The following GUCY1A2 variants were observed in gnomAD, a reference collection of about 807,000 sequenced individuals.
GUCY1A2 encodes the protein guanylate cyclase soluble subunit alpha-2.
In GUCY1A2, 27 loss-of-function variants were observed where a neutral mutation model predicts 63.5. That is an observed-to-expected ratio of 0.43 (90% CI 0.31 to 0.59). The LOEUF (loss-of-function observed/expected upper bound fraction) is 0.59. Ranked by LOEUF, GUCY1A2 falls within the 20% of genes least tolerant of loss-of-function variation. The pLI, the probability that GUCY1A2 is intolerant of heterozygous loss-of-function variation, is 0.11. For synonymous variants in GUCY1A2, 364 were observed against 343.5 expected, an observed-to-expected ratio of 1.06 and a Z score of -0.66; for missense variants, 768 against 913.3, an observed-to-expected ratio of 0.84 and a Z score of 2.05.
chr11:106,765,865 T>C (rs1402201220), intron 6 of GUCY1A2, among the ~76,000 whole-genome samples: 1 of 152,140 alleles, frequency 6.6e-6, no homozygotes, highest in Non-Finnish European at 1.5e-5. Context: ...GATTGATTGG[T>C]TTAACCTCTG....
chr11:106,879,578 T>A (rs759038397), intron 4 of GUCY1A2, among the ~76,000 whole-genome samples: 2 of 152,092 alleles, frequency 1.3e-5, no homozygotes, highest in African/African-American at 2.4e-5. Flanking sequence ...CTTTCTTGTA[T>A]CACTTTCTGG....
intron 4 of GUCY1A2, among the ~76,000 whole-genome samples, chr11:106,818,628 T>TA (rs1858861312): frequency 6.6e-6 from 1 of 152,166 alleles, no homozygotes; most frequent in African/African-American, 2.4e-5. Flanking sequence ...TAGAAATGAT[T>TA]AAGCTTAGTA....
chr11:106,870,232 T>C (rs1859658364), intron 4 of GUCY1A2, among the ~76,000 whole-genome samples: 1 of 152,020 alleles, frequency 6.6e-6, no homozygotes, highest in South Asian at 2.1e-4. Context: ...TGTGCACATG[T>C]ACCCTAGAAC....
intron 1 of GUCY1A2, among the ~76,000 whole-genome samples, chr11:107,001,034 G>A (rs1041216937): frequency 3.9e-5 from 6 of 152,112 alleles, no homozygotes; most frequent in African/African-American, 1.4e-4. Flanking sequence ...CTAGTACAAT[G>A]ACAGGTTTTT....
intron 4 of GUCY1A2, among the ~76,000 whole-genome samples, chr11:106,903,085 C>A (rs1483931738): frequency 1.3e-5 from 2 of 152,090 alleles, no homozygotes; most frequent in African/African-American, 2.4e-5. Context: ...TGATTTTATT[C>A]TTTAGAATGT....
At chr11:106,769,928 A>C (rs1286178899) in intron 6 of GUCY1A2, among the ~76,000 whole-genome samples, 1 of 152,162 alleles carries the variant, frequency 6.6e-6, no homozygotes, top group Non-Finnish European at 1.5e-5. Flanking sequence ...ATTATCAAAG[A>C]ATCTTAGAAA....
intron 4 of GUCY1A2, among the ~76,000 whole-genome samples, chr11:106,901,000 C>G (rs985916188): frequency 1.3e-5 from 2 of 152,004 alleles, no homozygotes; most frequent in Non-Finnish European, 2.9e-5. Flanking sequence ...ATTGATTGAC[C>G]CTTACTTTAT....
intron 4 of GUCY1A2, among the ~76,000 whole-genome samples, chr11:106,926,358 A>G (rs1860521457): frequency 6.6e-6 from 1 of 151,878 alleles, no homozygotes; most frequent in African/African-American, 2.4e-5. Flanking sequence ...GAATTGCTTG[A>G]ACCTGAGAGG....
chr11:107,016,558 A>C (rs7104886), intron 1 of GUCY1A2, among the ~76,000 whole-genome samples: 2,061 of 152,352 alleles, frequency 0.014, 30 homozygotes, highest in South Asian at 0.044. Flanking sequence ...GCTGATACAG[A>C]CATCCCAAGA....
chr11:106,996,146 G>A (rs897774983), intron 1 of GUCY1A2, among the ~76,000 whole-genome samples: 2 of 152,150 alleles, frequency 1.3e-5, no homozygotes, highest in Middle Eastern at 3.2e-3. Flanking sequence ...TTTCACTCCA[G>A]GCAAAGTAGG....
At position 106,834,041 on chromosome 11, in the gene GUCY1A2, T is replaced by C. The variant is rs1018422321; in HGVS notation, c.1207-23563A>G. Among the ~76,000 whole-genome samples the C allele has an allele frequency of 3.9e-5, 6 of 152,184 alleles. No individual in the cohort carries two copies. In the East Asian group the frequency reaches 5.8e-4, roughly 15 times the overall value. The stretch of plus-strand genomic sequence containing the variant: ...TACCATAATCAAGCTAATTAACATA[T>C]CCATATTTCACATATTTATTTTTTG... On this transcript the variant is annotated intron_variant, in intron 4 of 7. Transcript: ENST00000526355.
intron 4 of GUCY1A2, among the ~76,000 whole-genome samples, chr11:106,847,257 TAA>T (rs1457983546): frequency 3.6e-4 from 52 of 145,188 alleles, no homozygotes; most frequent in East Asian, 3.6e-3. Context: ...TATATATATA[TAA>T]AAAATTGTGG....
At chr11:106,787,669 A>G (rs550427300) in intron 5 of GUCY1A2, among the ~76,000 whole-genome samples, 1 of 146,728 alleles carries the variant, frequency 6.8e-6, no homozygotes, top group South Asian at 2.3e-4. Flanking sequence ...GTTTCAGTTA[A>G]CCTAATGATT....
At chr11:106,827,459 T>C (rs1858987244) in intron 4 of GUCY1A2, 31 of 1,435,310 alleles carry the variant, frequency 2.2e-5, no homozygotes, top group Non-Finnish European at 3.0e-5. Flanking sequence ...CTTTTAGCTT[T>C]AGTAAGCTGT....
At chr11:106,904,427 G>A (rs906859954) in intron 4 of GUCY1A2, among the ~76,000 whole-genome samples, 1 of 152,198 alleles carries the variant, frequency 6.6e-6, no homozygotes, top group Middle Eastern at 3.4e-3. Context: ...TGATTACTGT[G>A]TTAGTAAACA....
chr11:106,782,200 A>G (rs1864477165), intron 5 of GUCY1A2, among the ~76,000 whole-genome samples: 1 of 152,182 alleles, frequency 6.6e-6, no homozygotes. Context: ...ATAAGAGCAG[A>G]GGTTCAGAGT....
intron 1 of GUCY1A2, among the ~76,000 whole-genome samples, chr11:107,016,673 T>C (rs1271259095): frequency 6.6e-6 from 1 of 152,074 alleles, no homozygotes; most frequent in African/African-American, 2.4e-5. Flanking sequence ...AGAGAATCAA[T>C]TGAAGAGAGA....
At chr11:106,961,625 T>A (rs1013641779) in intron 3 of GUCY1A2, among the ~76,000 whole-genome samples, 1 of 152,224 alleles carries the variant, frequency 6.6e-6, no homozygotes, top group Non-Finnish European at 1.5e-5. Context: ...GCCACATTCC[T>A]TTCAAAATGC....
At chr11:106,707,124 T>C (rs1862927951) in intron 7 of GUCY1A2, among the ~76,000 whole-genome samples, 1 of 151,878 alleles carries the variant, frequency 6.6e-6, no homozygotes, top group Non-Finnish European at 1.5e-5. Flanking sequence ...AATCAAGGTA[T>C]CCACTACTTT....
Sources: gnomAD v4.1 joint callset for allele counts (sites outside exome capture counted in the v4.1 genomes callset) on GRCh38, gnomAD v4.1.1 for gene constraint, MANE v1.5 for transcripts, NCBI Gene and HGNC (gene_info 2026-07-23, HGNC 2026-07-21) for gene names.